ARMC2: variants seen among roughly 807,000 people sequenced by gnomAD.
The protein encoded by ARMC2 is armadillo repeat-containing protein 2.
ARMC2 carries 67 observed loss-of-function variants against 90.3 expected under a neutral mutation model. The observed-to-expected ratio is 0.74, with a 90% CI of 0.61 to 0.91. The LOEUF (loss-of-function observed/expected upper bound fraction) is 0.91. Among genes scored for constraint, ARMC2 ranks in the 40% least tolerant of loss-of-function variants. ARMC2 has a pLI of 0.00. For missense variants in ARMC2, 920 were observed against 1,030.9 expected (o/e 0.89, Z 1.47); for synonymous variants, 393 against 393.0 (o/e 1.00, Z 0.00).
At chr6:109,047,185 G>A in the ARMC2 span, among the ~76,000 whole-genome samples, 341 of 46,372 alleles carry the variant, frequency 7.4e-3, 5 homozygotes, top group Middle Eastern at 0.042. Context: ...TCAGCCCCCC[G>A]CCCGGCCAGC....
Position 108,961,680 on chromosome 6 carries a change from T to C in ARMC2, c.2024T>C (p.Leu675Pro), listed in dbSNP as rs1213315986. The change falls in exon 14 of 18, where the codon CTA (leucine) becomes CCA (proline). Residue 675 changes from leucine (L) to proline (P), a missense_variant. Transcript: ENST00000392644. ...AATTCCATAATTCAAGACAAAAAGC[T>C]ATATATTGCTGAATGTAAGGTTCAG... Reference protein sequence around the residue: ...VKNSIIQDKKLYIAELLLKLL... With the variant: ...VKNSIIQDKKPYIAELLLKLL... The C allele has an allele frequency of 6.2e-7, 1 of 1,603,754 alleles. No individual in the cohort carries two copies. Among genetic ancestry groups the C allele is most frequent in the East Asian group, 2.2e-5 (1 of 44,794 alleles).
At chr6:108,955,207 A>G (rs1186936831) in intron 13 of ARMC2, among the ~76,000 whole-genome samples, 1 of 152,186 alleles carries the variant, frequency 6.6e-6, no homozygotes, top group Non-Finnish European at 1.5e-5. Context: ...ACAAGGTTTT[A>G]AAAATGGAGG....
intron 7 of ARMC2, among the ~76,000 whole-genome samples, chr6:108,901,065 TC>T: frequency 6.6e-6 from 1 of 151,454 alleles, no homozygotes; most frequent in African/African-American, 2.4e-5. Context: ...TGAAGGCCTT[TC>T]TTGTAGGAAG....
rs1382168919 is a variant in ARMC2 at position 108,962,027 on chromosome 6, T to G, written c.2052T>G (p.Leu684=). The G allele has an allele frequency of 6.2e-6, 10 of 1,611,210 alleles. No individual in the cohort carries two copies. The highest frequency in any genetic ancestry group is 8.5e-6 in the Non-Finnish European group (10 of 1,179,036). ...CGCCAAATCCAGTGCTCTTAAAGCT[T>G]CTTGTCAGTAACAACATGGATGGAA... ...KLYIAELLLK[L]LVSNNMDGIL... The change falls in exon 15 of 18, where the codon CTT becomes CTG. Residue 684 remains leucine, a synonymous_variant. Coordinates refer to ENST00000392644, the MANE Select transcript of ARMC2 (RefSeq NM_032131.6).
chr6:108,904,211 A>T lies in ARMC2; in HGVS notation c.848-19A>T. The T allele has an allele frequency of 6.2e-7, 1 of 1,611,802 alleles. No individual in the cohort carries two copies. Reference sequence around the variant, plus strand: ...AACCTTAATTAGTAAGTGTTGCTTTACTCTCTTTGCTCTGACAGAAGAAAA... The same window carrying T: ...AACCTTAATTAGTAAGTGTTGCTTTTCTCTCTTTGCTCTGACAGAAGAAAA... On this transcript the variant is annotated intron_variant, in intron 7 of 17. Coordinates refer to ENST00000392644, the MANE Select transcript of ARMC2 (RefSeq NM_032131.6).
chr6:108,888,484 G>A (rs532651995), intron 5 of ARMC2, among the ~76,000 whole-genome samples: 1 of 152,288 alleles, frequency 6.6e-6, no homozygotes, highest in East Asian at 1.9e-4. Context: ...TTAAATATGT[G>A]CAGGATTATC....
rs140652593 is a variant in ARMC2, at chr6:108,898,242, CCT to C, written c.749-1449_749-1448del. The stretch of plus-strand genomic sequence containing the variant: ...TACATGGGCCATATACCCGTTTGCT[CCT>C]CTGTCTGTCTCTGTCTCTCTGTCTT... On this transcript the variant is annotated intron_variant, in intron 6 of 17. Coordinates refer to ENST00000392644, the MANE Select transcript of ARMC2 (RefSeq NM_032131.6). Among the ~76,000 whole-genome samples the C allele has an allele frequency of 8.6e-3, 1,312 of 152,220 alleles. 15 individuals carry two copies. Among genetic ancestry groups the C allele is most frequent in the African/African-American group, 0.028 (1,179 of 41,528 alleles).
the ARMC2 span, chr6:108,988,760 A>G: frequency 1.7e-6 from 2 of 1,202,346 alleles, no homozygotes; most frequent in Non-Finnish European, 2.3e-6. Flanking sequence ...AAGTATACAC[A>G]TCAATAGTTA....
At chr6:108,992,054 A>C in the ARMC2 span, among the ~76,000 whole-genome samples, 1 of 152,126 alleles carries the variant, frequency 6.6e-6, no homozygotes, top group Non-Finnish European at 1.5e-5. Context: ...AATCTATTGC[A>C]TAATTATTCT....
At position 108,953,199 on chromosome 6, in the gene ARMC2, G is replaced by T; in HGVS notation, c.1763G>T (p.Gly588Val). 6.2e-7 allele frequency: 1 copy of T among 1,614,018 alleles called. No individual in the cohort carries two copies. The highest frequency in any genetic ancestry group is 8.5e-7 in the Non-Finnish European group (1 of 1,179,902). The part of the protein sequence containing the change: ...LHSQKPVGQR[G>V]EQHRAQRPPS... ...TCCCAGAAGCCGGTGGGCCAACGAG[G>T]CGAGCAGCACAGGGCGCAGAGGCCG... Residue 588 changes from glycine (G) to valine (V), a missense_variant, in exon 13 of 18, where the codon GGC becomes GTC. Coordinates refer to ENST00000392644, the MANE Select transcript of ARMC2 (RefSeq NM_032131.6).
chr6:108,936,888 G>A lies in ARMC2; in HGVS notation c.1497-12G>A. The A allele has an allele frequency of 1.3e-6, 2 of 1,574,776 alleles. No homozygotes were observed. The highest frequency in any genetic ancestry group is 1.7e-6 in the Non-Finnish European group (2 of 1,157,712). On this transcript the variant is annotated splice_polypyrimidine_tract_variant and intron_variant, in intron 11 of 17. Transcript: ENST00000392644. Reference sequence around the variant, plus strand: ...AAGTTTACCTTTATTTTCCCATTTGGCATTTCTGCAGCAAACTTACTTCTT... The same window carrying A: ...AAGTTTACCTTTATTTTCCCATTTGACATTTCTGCAGCAAACTTACTTCTT...
At chr6:108,994,546 G>C in the ARMC2 span, 1 of 1,613,094 alleles carries the variant, frequency 6.2e-7, no homozygotes, top group African/African-American at 1.3e-5. Flanking sequence ...TCTTCATCTC[G>C]ACATTCCTGT....
chr6:109,013,071 G>A, the ARMC2 span, among the ~76,000 whole-genome samples: 16 of 150,782 alleles, frequency 1.1e-4, no homozygotes, highest in Non-Finnish European at 2.1e-4. Context: ...AGCCAAGATC[G>A]CACCATTGCA....
At chr6:108,884,970 A>G (rs2128447479) in intron 5 of ARMC2, among the ~76,000 whole-genome samples, 2 of 152,302 alleles carry the variant, frequency 1.3e-5, no homozygotes, top group Middle Eastern at 6.8e-3. Flanking sequence ...AGTCACAGCC[A>G]CTGCTCCCTG....
At position 108,961,662 on chromosome 6, in the gene ARMC2, T is replaced by C. The variant is rs745589136; in HGVS notation, c.2006T>C (p.Ile669Thr). The change falls in exon 14 of 18, where the codon ATA becomes ACA. Residue 669 changes from isoleucine (I) to threonine (T), a missense_variant. Physicochemically the swap from Ile to Thr is moderately conservative, Grantham distance 89. Coordinates refer to ENST00000392644, the MANE Select transcript of ARMC2 (RefSeq NM_032131.6). The part of the protein sequence containing the change: ...NLSYYQVKNS[I>T]IQDKKLYIAE... ...TCTTACTACCAAGTGAAGAATTCCA[T>C]AATTCAAGACAAAAAGCTATATATT... The C allele has an allele frequency of 6.2e-7, 1 of 1,610,978 alleles. No individual in the cohort carries two copies. The highest frequency in any genetic ancestry group is 1.1e-5 in the South Asian group (1 of 90,802).
the ARMC2 span, chr6:109,000,448 A>C: frequency 7.2e-7 from 1 of 1,384,274 alleles, no homozygotes; most frequent in Non-Finnish European, 9.5e-7. Flanking sequence ...CTGCTCTAAA[A>C]AAGTCTGAAA....
chr6:109,046,734 C>A, the ARMC2 span, among the ~76,000 whole-genome samples: 1 of 137,946 alleles, frequency 7.2e-6, no homozygotes. Flanking sequence ...TCTGCCCCGC[C>A]GCCCCATCTG....
At chr6:108,945,872 A>G (rs1776766416) in intron 12 of ARMC2, among the ~76,000 whole-genome samples, 1 of 152,186 alleles carries the variant, frequency 6.6e-6, no homozygotes, top group South Asian at 2.1e-4. Context: ...AGGATTGGTT[A>G]GGAAGGTGCC....
chr6:108,994,768 T>G, the ARMC2 span, among the ~76,000 whole-genome samples: 236 of 149,044 alleles, frequency 1.6e-3, 1 homozygote, highest in African/African-American at 5.4e-3. Context: ...AGTGGCGCGA[T>G]CTCGGCTCAC....
Sources: allele counts gnomAD v4.1 joint callset (sites outside exome capture counted in the v4.1 genomes callset), GRCh38; gene constraint gnomAD v4.1.1; transcripts MANE v1.5; gene names NCBI Gene and HGNC (gene_info 2026-07-23, HGNC 2026-07-21).